The following FNBP1L variants were observed in gnomAD, a reference collection of about 807,000 sequenced individuals.
FNBP1L encodes the protein formin binding protein 1 like, also known as formin-binding protein 1-like.
FNBP1L carries 36 observed loss-of-function variants against 91.2 expected under a neutral mutation model. The ratio of observed to expected loss-of-function variants is 0.39; its 90% CI spans 0.30 to 0.52. The LOEUF (loss-of-function observed/expected upper bound fraction) is 0.52. Ranked by LOEUF, FNBP1L falls within the 20% of genes least tolerant of loss-of-function variation. The probability of loss-of-function intolerance (pLI) is 0.66; values close to 1 mark genes in which losing one functional copy is unlikely to be tolerated. For missense variants in FNBP1L, 571 were observed against 732.1 expected (o/e 0.78, Z 2.54); for synonymous variants, 242 against 237.0 (o/e 1.02, Z -0.19).
intron 9 of FNBP1L, among the ~76,000 whole-genome samples, chr1:93,535,934 T>G (rs1467220617): frequency 6.6e-6 from 1 of 152,092 alleles, no homozygotes; most frequent in African/African-American, 2.4e-5. Flanking sequence ...AGTTTTAATA[T>G]TTTATGTGCG....
intron 2 of FNBP1L, among the ~76,000 whole-genome samples, chr1:93,517,505 C>A (rs1557805446): frequency 6.6e-6 from 1 of 152,088 alleles, no homozygotes; most frequent in Non-Finnish European, 1.5e-5. Flanking sequence ...CTGAGAACAT[C>A]TTTTAAAAAA....
chr1:93,520,840 G>A (rs904881213), intron 2 of FNBP1L, among the ~76,000 whole-genome samples: 2 of 152,040 alleles, frequency 1.3e-5, no homozygotes, highest in African/African-American at 2.4e-5. Context: ...GTCAGGGGTC[G>A]AGACCAGCCT....
At chr1:93,498,372 T>A (rs1401970384) in intron 1 of FNBP1L, among the ~76,000 whole-genome samples, 1 of 152,202 alleles carries the variant, frequency 6.6e-6, no homozygotes, top group African/African-American at 2.4e-5. Flanking sequence ...CAGATTGAGT[T>A]TACTGAGCAG....
At chr1:93,460,012 T>C (rs529997304) in intron 1 of FNBP1L, among the ~76,000 whole-genome samples, 54 of 151,684 alleles carry the variant, frequency 3.6e-4, no homozygotes, top group Non-Finnish European at 6.5e-4. Flanking sequence ...ATTATACTTA[T>C]CAATTGAGCA....
intron 2 of FNBP1L, among the ~76,000 whole-genome samples, chr1:93,507,135 TC>T (rs1670662717): frequency 4.7e-5 from 7 of 148,722 alleles, no homozygotes; most frequent in African/African-American, 1.5e-4. Context: ...TCTCTCTCTC[TC>T]TCTCTCTCTC....
At chr1:93,494,953 AG>A (rs1440707391) in intron 1 of FNBP1L, among the ~76,000 whole-genome samples, 1 of 152,180 alleles carries the variant, frequency 6.6e-6, no homozygotes, top group African/African-American at 2.4e-5. Flanking sequence ...GAAAACAGCA[AG>A]GGAAAAACCT....
intron 1 of FNBP1L, among the ~76,000 whole-genome samples, chr1:93,472,848 A>G (rs1030976474): frequency 5.4e-5 from 7 of 128,714 alleles, no homozygotes; most frequent in African/African-American, 2.0e-4. Flanking sequence ...AAAAAAAAAA[A>G]TCCTAACAGT....
chr1:93,518,449 T>C (rs534717072), intron 2 of FNBP1L, among the ~76,000 whole-genome samples: 1 of 152,334 alleles, frequency 6.6e-6, no homozygotes, highest in Non-Finnish European at 1.5e-5. Context: ...AAAATTATTG[T>C]TTTTAACAAA....
chr1:93,471,797 G>A (rs1669296737), intron 1 of FNBP1L, among the ~76,000 whole-genome samples: 1 of 152,154 alleles, frequency 6.6e-6, no homozygotes, highest in South Asian at 2.1e-4. Context: ...CTTCTGGCTG[G>A]TAGTCGATAA....
At chr1:93,458,276 A>G (rs1668741987) in intron 1 of FNBP1L, among the ~76,000 whole-genome samples, 1 of 152,168 alleles carries the variant, frequency 6.6e-6, no homozygotes, top group African/African-American at 2.4e-5. Context: ...AAAACTGGAT[A>G]TCCACATGCA....
At chr1:93,469,402 A>G (rs1460532387) in intron 1 of FNBP1L, among the ~76,000 whole-genome samples, 1 of 152,174 alleles carries the variant, frequency 6.6e-6, no homozygotes, top group Non-Finnish European at 1.5e-5. Context: ...ATGTCTCTGC[A>G]AAGGACATGA....
chr1:93,552,504 A>G lies in FNBP1L; in HGVS notation c.*88A>G, dbSNP rs1672445438. The G allele has an allele frequency of 8.9e-6, 13 of 1,457,870 alleles. No homozygotes were observed. The highest frequency in any genetic ancestry group is 9.3e-6 in the Non-Finnish European group (10 of 1,073,452). The allele number at this position is 1,457,870 out of a possible 1,614,324, so 90.3% of individuals were successfully genotyped here. ...AGGGTATTAGAGTTGTCAGGCTCAA[A>G]GAGAGTGAGAGAAGCAAGTTGCATG... On this transcript the variant is annotated 3_prime_UTR_variant, in exon 17 of 17. Transcript: ENST00000271234.
intron 1 of FNBP1L, among the ~76,000 whole-genome samples, chr1:93,467,137 A>G (rs1669107309): frequency 6.6e-6 from 1 of 152,236 alleles, no homozygotes; most frequent in Non-Finnish European, 1.5e-5. Flanking sequence ...AATTACAAGC[A>G]TGAGCTACCG....
chr1:93,474,821 T>C (rs1205043783), intron 1 of FNBP1L, among the ~76,000 whole-genome samples: 1 of 152,230 alleles, frequency 6.6e-6, no homozygotes, highest in African/African-American at 2.4e-5. Flanking sequence ...ACTAAATAAC[T>C]ACATCCTAAC....
chr1:93,482,279 G>C (rs1358490534), intron 1 of FNBP1L, among the ~76,000 whole-genome samples: 2 of 152,150 alleles, frequency 1.3e-5, no homozygotes, highest in African/African-American at 4.8e-5. Context: ...CTTCGTCTAT[G>C]TGTGTACTTT....
intron 16 of FNBP1L, chr1:93,551,667 A>G (rs1355722884): frequency 5.1e-6 from 5 of 984,920 alleles, no homozygotes; most frequent in Non-Finnish European, 6.0e-6. Flanking sequence ...TTGGTTTCCT[A>G]AAGGAAGAAA....
At chr1:93,468,737 A>G (rs1352373186) in intron 1 of FNBP1L, among the ~76,000 whole-genome samples, 2 of 152,128 alleles carry the variant, frequency 1.3e-5, no homozygotes, top group Non-Finnish European at 2.9e-5. Flanking sequence ...GGCCCGATGG[A>G]CAAGTTTTTG....
intron 12 of FNBP1L, among the ~76,000 whole-genome samples, chr1:93,544,941 CAT>C (rs1242443535): frequency 1.3e-5 from 2 of 152,140 alleles, no homozygotes; most frequent in African/African-American, 4.8e-5. Context: ...AATACTGAAA[CAT>C]TGCTCTTAGG....
At chr1:93,537,439 C>G (rs1474574806) in intron 10 of FNBP1L, among the ~76,000 whole-genome samples, 3 of 151,970 alleles carry the variant, frequency 2.0e-5, no homozygotes, top group Non-Finnish European at 4.4e-5. Context: ...TCCTTTCTGT[C>G]TTCACATTGC....
Sources: allele counts gnomAD v4.1 joint callset (sites outside exome capture counted in the v4.1 genomes callset), GRCh38; gene constraint gnomAD v4.1.1; transcripts MANE v1.5; gene names NCBI Gene and HGNC (gene_info 2026-07-23, HGNC 2026-07-21).